NOMO1: variants seen among roughly 807,000 people sequenced by gnomAD.
The protein encoded by NOMO1 is NODAL modulator 1.
NOMO1 carries 40 observed loss-of-function variants against 133.8 expected under a neutral mutation model. The observed-to-expected ratio is 0.30, with a 90% CI of 0.23 to 0.39. The LOEUF (loss-of-function observed/expected upper bound fraction) is 0.39. NOMO1 is among the 10% of genes least tolerant of loss of function. The pLI is 1.00. For missense variants in NOMO1, 462 were observed against 1,419.9 expected, an observed-to-expected ratio of 0.33 and a Z score of 10.84; for synonymous variants, 236 against 570.5, an observed-to-expected ratio of 0.41 and a Z score of 8.36.
chr16:14,872,023 G>A (rs916948731), intron 17 of NOMO1, among the ~76,000 whole-genome samples: 1 of 152,028 alleles, frequency 6.6e-6, no homozygotes, highest in African/African-American at 2.4e-5. Flanking sequence ...AAGTGTGTGG[G>A]TTTCACTGGG....
At chr16:14,882,571 C>T (rs1964258745) in intron 25 of NOMO1, 23 bp from the exon 26 acceptor site, 1 of 1,611,460 alleles carries the variant, frequency 6.2e-7, no homozygotes, top group African/African-American at 1.3e-5. Flanking sequence ...TTCTAGAGAG[C>T]TGACTCCTGA....
At chr16:14,857,712 A>G in intron 11 of NOMO1, 57 bp downstream of exon 11, 10 of 1,611,034 alleles carry the variant, frequency 6.2e-6, no homozygotes, top group Non-Finnish European at 6.8e-6. Context: ...GCCAGTGTAG[A>G]ACCGAATGAC....
At chr16:14,873,814 A>C (rs1964113421) in intron 18 of NOMO1, among the ~76,000 whole-genome samples, 1 of 151,676 alleles carries the variant, frequency 6.6e-6, no homozygotes, top group African/African-American at 2.4e-5. Context: ...TGTACTCAGC[A>C]GACCCAAAAC....
At chr16:14,835,820 C>G (rs928331945) in intron 1 of NOMO1, among the ~76,000 whole-genome samples, 7 of 152,028 alleles carry the variant, frequency 4.6e-5, no homozygotes, top group Admixed American at 1.3e-4. Flanking sequence ...CCATTCTTCT[C>G]TAGCTTTCTC....
Position 14,894,931 on chromosome 16 carries a change from T to A in NOMO1, c.3445-67T>A, listed in dbSNP as rs1393969819. ...TGGAAGGCTGGGTGGGTGGTGGCTG[T>A]GGCATTGTGGATGATGGACAATCGT... On this transcript the variant is annotated intron_variant, in intron 29 of 30. Coordinates refer to ENST00000287667, the MANE Select transcript of NOMO1 (RefSeq NM_014287.4). The A allele has an allele frequency of 4.3e-6, 7 of 1,611,720 alleles. No homozygotes were observed. The African/African-American group carries it at 8.0e-5, about 18-fold the overall frequency.
chr16:14,867,034 A>AAAATTGAG (rs1289608929), intron 15 of NOMO1, among the ~76,000 whole-genome samples: 3 of 143,366 alleles, frequency 2.1e-5, no homozygotes, highest in East Asian at 4.0e-4. Context: ...GTTTTCACCG[A>AAAATTGAG]AAATTGAGAT....
chr16:14,878,079 G>A (rs1034909498), intron 22 of NOMO1, among the ~76,000 whole-genome samples: 1 of 151,732 alleles, frequency 6.6e-6, no homozygotes, highest in Non-Finnish European at 1.5e-5. Context: ...AAATTGTTGA[G>A]GAAGAGAGCA....
At chr16:14,879,064 C>T (rs1004164164) in intron 23 of NOMO1, among the ~76,000 whole-genome samples, 1 of 151,890 alleles carries the variant, frequency 6.6e-6, no homozygotes, top group African/African-American at 2.4e-5. Flanking sequence ...ACCCACTTGT[C>T]ACTAAGACAG....
chr16:14,885,495 T>C (rs940943336), intron 27 of NOMO1, among the ~76,000 whole-genome samples: 18 of 152,110 alleles, frequency 1.2e-4, no homozygotes, highest in African/African-American at 4.4e-4. Flanking sequence ...AGTGATTTGC[T>C]CTGGGGGTAC....
At chr16:14,892,203 C>G (rs1964414278) in intron 29 of NOMO1, among the ~76,000 whole-genome samples, 1 of 151,586 alleles carries the variant, frequency 6.6e-6, no homozygotes, top group African/African-American at 2.4e-5. Context: ...TAAGATAGCC[C>G]CAGTGCACTC....
chr16:14,867,176 A>ATTTTTTTTTTT lies in NOMO1; in HGVS notation c.1806+504_1806+514dup. 1.9e-3 allele frequency among the ~76,000 whole-genome samples: 14 copies of ATTTTTTTTTTT among 7,474 alleles called. 2 individuals are homozygous for ATTTTTTTTTTT. The highest frequency in any genetic ancestry group is 5.1e-3 in the East Asian group (2 of 394). The allele number at this position is 7,474 out of a possible 152,430, so 4.9% of individuals were successfully genotyped here. ...TATATATATATATATATATATATATATTTTTTTTTTTTTTTTTTTTTTTTT... is the reference window on the plus strand; with the variant it reads ...TATATATATATATATATATATATATATTTTTTTTTTTTTTTTTTTTTTTTTTTTTTTTTTTT... On this transcript the variant is annotated intron_variant, in intron 15 of 30. Coordinates refer to ENST00000287667, the MANE Select transcript of NOMO1 (RefSeq NM_014287.4).
chr16:14,860,928 C>G (rs1293883771), intron 11 of NOMO1, among the ~76,000 whole-genome samples: 1 of 149,698 alleles, frequency 6.7e-6, no homozygotes, highest in Non-Finnish European at 1.5e-5. Flanking sequence ...CATCTCGGCT[C>G]ACTGCAGCCT....
intron 29 of NOMO1, among the ~76,000 whole-genome samples, chr16:14,891,935 A>C (rs1015952214): frequency 1.3e-5 from 2 of 152,078 alleles, no homozygotes; most frequent in Non-Finnish European, 2.9e-5. Flanking sequence ...CACAGTAGAG[A>C]CCTGGTTAGA....
intron 9 of NOMO1, 146 bp from the exon 10 acceptor site, chr16:14,857,071 T>A: frequency 9.5e-7 from 1 of 1,054,508 alleles, no homozygotes; most frequent in South Asian, 1.3e-5. Flanking sequence ...GGAGCCTGGC[T>A]GGCACACAGG....
intron 27 of NOMO1, among the ~76,000 whole-genome samples, chr16:14,886,435 G>A (rs1296420933): frequency 7.2e-6 from 1 of 138,818 alleles, no homozygotes; most frequent in Admixed American, 7.4e-5. Flanking sequence ...TAAAATATCT[G>A]GCGCCTGCCT....
intron 22 of NOMO1, among the ~76,000 whole-genome samples, chr16:14,877,635 C>T (rs1964181164): frequency 6.6e-6 from 1 of 151,942 alleles, no homozygotes; most frequent in Non-Finnish European, 1.5e-5. Context: ...GCAAGTAACG[C>T]AGGTGACTAA....
Position 14,866,613 on chromosome 16 carries a change from G to A in NOMO1, c.1728G>A (p.Leu576=). The A allele has an allele frequency of 6.2e-7, 1 of 1,609,866 alleles. No individual in the cohort carries two copies. The highest frequency in any genetic ancestry group is 8.5e-7 in the Non-Finnish European group (1 of 1,179,722). The change falls in exon 15 of 31, where the codon CTG becomes CTA. Residue 576 remains leucine, a synonymous_variant. Coordinates refer to ENST00000287667, the MANE Select transcript of NOMO1 (RefSeq NM_014287.4). ...WKNKSLEVEV[L]EDDMSAVEFR... ...ACAAGAGCCTGGAGGTGGAAGTGCT[G>A]GAGGATGACATGTCTGCAGTTGAGT...
chr16:14,853,640 A>C, intron 8 of NOMO1, 36 bp downstream of exon 8: 1 of 1,610,680 alleles, frequency 6.2e-7, no homozygotes, highest in Non-Finnish European at 8.5e-7. Context: ...TTTATGTCTG[A>C]GACTCTCATG....
intron 29 of NOMO1, among the ~76,000 whole-genome samples, chr16:14,892,935 T>C: frequency 8.3e-6 from 1 of 121,048 alleles, no homozygotes; most frequent in African/African-American, 2.7e-5. Context: ...CACATTGGTT[T>C]CCTTCTTTGT....
Sources: gnomAD v4.1 joint callset for allele counts (sites outside exome capture counted in the v4.1 genomes callset) on GRCh38, gnomAD v4.1.1 for gene constraint, MANE v1.5 for transcripts, NCBI Gene and HGNC (gene_info 2026-07-23, HGNC 2026-07-21) for gene names.